Variants in PCDHA1 observed in about 807,000 individuals in gnomAD.
PCDHA1 encodes the protein protocadherin alpha 1.
A neutral mutation model predicts 61.3 loss-of-function variants in PCDHA1; 42 were observed. That is an observed-to-expected ratio of 0.69 (90% CI 0.54 to 0.89). The LOEUF (loss-of-function observed/expected upper bound fraction) is 0.89. Among genes scored for constraint, PCDHA1 ranks in the 40% least tolerant of loss-of-function variants. The pLI, the probability that PCDHA1 is intolerant of heterozygous loss-of-function variation, is 0.00. For synonymous variants in PCDHA1, 610 were observed against 553.8 expected, an observed-to-expected ratio of 1.10 and a Z score of -1.43; for missense variants, 1,256 against 1,235.3, an observed-to-expected ratio of 1.02 and a Z score of -0.25.
At chr5:140,826,951 A>T (rs1261323205) in intron 1 of PCDHA1, among the ~76,000 whole-genome samples, 1 of 152,224 alleles carries the variant, frequency 6.6e-6, no homozygotes, top group Non-Finnish European at 1.5e-5. Flanking sequence ...GAATAAGGCA[A>T]GCCAGGGAAA....
chr5:140,805,985 A>G (rs1763660585), intron 1 of PCDHA1, among the ~76,000 whole-genome samples: 1 of 152,210 alleles, frequency 6.6e-6, no homozygotes, highest in South Asian at 2.1e-4. Flanking sequence ...TAAAATATAT[A>G]TTCCAAAAAA....
Position 141,010,446 on chromosome 5 carries a change from C to A in PCDHA1, c.*509C>A. On this transcript the variant is annotated 3_prime_UTR_variant, in exon 4 of 4. Coordinates refer to ENST00000504120, the MANE Select transcript of PCDHA1 (RefSeq NM_018900.4). ...AGGCAAGAAAACAAAGACAAATAAA[C>A]AGCGGAAGTTATCAGTATGGAGGGG... 1 of 944,706 alleles carries A rather than the reference C, an allele frequency of 1.1e-6. No homozygotes were observed. The highest frequency in any genetic ancestry group is 1.7e-5 in the African/African-American group (1 of 60,424). The allele number at this position is 944,706 out of a possible 1,614,324, so 58.5% of individuals were successfully genotyped here.
intron 1 of PCDHA1, chr5:140,849,218 G>A (rs2150433092): frequency 1.9e-6 from 2 of 1,040,734 alleles, no homozygotes; most frequent in South Asian, 3.2e-5. Context: ...ATGCCCCAGT[G>A]TTCGACAGAA....
intron 1 of PCDHA1, among the ~76,000 whole-genome samples, chr5:140,832,776 C>T (rs1336330219): frequency 4.6e-5 from 7 of 152,078 alleles, no homozygotes; most frequent in African/African-American, 1.7e-4. Flanking sequence ...GTAAGAGGTG[C>T]TAGAAAGGTA....
intron 1 of PCDHA1, among the ~76,000 whole-genome samples, chr5:140,969,883 A>G (rs1161815776): frequency 6.6e-6 from 1 of 152,204 alleles, no homozygotes; most frequent in African/African-American, 2.4e-5. Flanking sequence ...ATGTGATAGG[A>G]TCCTCTGGAA....
chr5:140,858,219 C>A (rs1554151292), intron 1 of PCDHA1: 2 of 1,595,768 alleles, frequency 1.3e-6, no homozygotes, highest in Non-Finnish European at 8.6e-7. Flanking sequence ...TGCTCGGCGG[C>A]GCCCACCGAG....
chr5:140,989,665 T>C (rs2097353443), intron 3 of PCDHA1, among the ~76,000 whole-genome samples: 1 of 152,190 alleles, frequency 6.6e-6, no homozygotes, highest in Non-Finnish European at 1.5e-5. Context: ...TAAAAGAAAC[T>C]CTGCCCAGAT....
At chr5:140,970,082 G>C (rs1203003794) in intron 1 of PCDHA1, among the ~76,000 whole-genome samples, 1 of 152,178 alleles carries the variant, frequency 6.6e-6, no homozygotes, top group Non-Finnish European at 1.5e-5. Context: ...TGGATTAGGG[G>C]TGTGGGGGGA....
rs2150462879 is a variant in PCDHA1 at position 140,850,003 on chromosome 5, C to T, written c.2394+61319C>T. On this transcript the variant is annotated intron_variant, in intron 1 of 3. Coordinates refer to ENST00000504120, the MANE Select transcript of PCDHA1 (RefSeq NM_018900.4). ...GTGGAGCGGCGGTTGGGCGAGCGCTCGCTGTCGAGCTACGTGTCAGTGCAC... is the reference window on the plus strand; with the variant it reads ...GTGGAGCGGCGGTTGGGCGAGCGCTTGCTGTCGAGCTACGTGTCAGTGCAC... 1.5e-5 allele frequency: 24 copies of T among 1,596,910 alleles called. No homozygotes were observed. The East Asian group carries it at 5.1e-4, about 34-fold the overall frequency.
chr5:140,788,628 C>G lies in PCDHA1; in HGVS notation c.2338C>G (p.Leu780Val), dbSNP rs782196901. The G allele has an allele frequency of 6.2e-7, 1 of 1,609,654 alleles. No individual in the cohort carries two copies. The change falls in exon 1 of 4, where the codon CTT becomes GTT. Residue 780 changes from leucine to valine, a missense_variant. Coordinates refer to ENST00000504120, the MANE Select transcript of PCDHA1 (RefSeq NM_018900.4). ...MAFSPGLSPS[L>V]NTSERNEQPE... ...CTTCAGCCCAGGCCTATCTCCAAGTCTTAACACGTCAGAAAGAAATGAACA... is the reference window on the plus strand; with the variant it reads ...CTTCAGCCCAGGCCTATCTCCAAGTGTTAACACGTCAGAAAGAAATGAACA...
chr5:140,803,665 T>C, intron 1 of PCDHA1: 5 of 1,604,742 alleles, frequency 3.1e-6, no homozygotes, highest in Non-Finnish European at 4.3e-6. Flanking sequence ...CCTCTGGAAA[T>C]ACATTAATAG....
intron 1 of PCDHA1, chr5:140,966,888 C>T: frequency 1.9e-6 from 3 of 1,593,128 alleles, no homozygotes; most frequent in Non-Finnish European, 2.6e-6. Flanking sequence ...GGCCCTGCGG[C>T]CTCCCAGCTG....
At chr5:140,805,845 C>T (rs182646710) in intron 1 of PCDHA1, among the ~76,000 whole-genome samples, 5 of 152,082 alleles carry the variant, frequency 3.3e-5, no homozygotes, top group African/African-American at 7.2e-5. Flanking sequence ...ACTAGATATG[C>T]GATCACCTTA....
At chr5:140,838,881 C>T (rs2150293311) in intron 1 of PCDHA1, among the ~76,000 whole-genome samples, 1,566 of 151,954 alleles carry the variant, frequency 0.01, 49 homozygotes, top group African/African-American at 0.036. Flanking sequence ...TGCCACTGAA[C>T]TCCAGCCTAG....
chr5:140,825,742 G>A (rs1768696427), intron 1 of PCDHA1: 1 of 152,284 alleles, frequency 6.6e-6, no homozygotes, highest in Non-Finnish European at 1.5e-5. Context: ...TATTGATGAG[G>A]AGTAACTGTG....
intron 3 of PCDHA1, among the ~76,000 whole-genome samples, chr5:141,004,523 A>G (rs934216851): frequency 3.3e-5 from 5 of 152,232 alleles, no homozygotes; most frequent in Admixed American, 2.0e-4. Flanking sequence ...CTCTGCCAAT[A>G]CACACAGCCA....
At position 140,858,644 on chromosome 5, in the gene PCDHA1, C is replaced by T. The variant is rs1581517400; in HGVS notation, c.2394+69960C>T. ...CCAGTGTGTCAGCCTTTGATTGGTACTTAAATTTTTTTAAATAACAATTTA... is the reference window on the plus strand; with the variant it reads ...CCAGTGTGTCAGCCTTTGATTGGTATTTAAATTTTTTTAAATAACAATTTA... On this transcript the variant is annotated intron_variant, in intron 1 of 3. Coordinates refer to ENST00000504120, the MANE Select transcript of PCDHA1 (RefSeq NM_018900.4). 16 of 921,026 alleles carry T rather than the reference C, an allele frequency of 1.7e-5. 1 individual carries two copies. Among genetic ancestry groups the T allele is most frequent in the African/African-American group, 1.2e-4 (7 of 59,878 alleles). 57.1% of individuals were successfully genotyped at this position (921,026 alleles called of 1,614,324 possible).
intron 1 of PCDHA1, among the ~76,000 whole-genome samples, chr5:140,820,856 C>A (rs1379200448): frequency 6.6e-6 from 1 of 151,942 alleles, no homozygotes; most frequent in Non-Finnish European, 1.5e-5. Context: ...GAAATGCTAT[C>A]TAGATGCTTC....
chr5:140,925,088 A>G (rs536355365), intron 1 of PCDHA1, among the ~76,000 whole-genome samples: 11 of 151,436 alleles, frequency 7.3e-5, no homozygotes, highest in African/African-American at 2.7e-4. Context: ...CTGGAAAGGA[A>G]GGAAGGAAGG....
Sources: gnomAD v4.1 joint callset for allele counts (sites outside exome capture counted in the v4.1 genomes callset) on GRCh38, gnomAD v4.1.1 for gene constraint, MANE v1.5 for transcripts, NCBI Gene and HGNC (gene_info 2026-07-23, HGNC 2026-07-21) for gene names.